Variants in TJP2 observed in about 807,000 individuals in gnomAD.
The protein encoded by TJP2 is tight junction protein 2.
TJP2 carries 91 observed loss-of-function variants against 133.1 expected under a neutral mutation model. The ratio of observed to expected loss-of-function variants is 0.68; its 90% confidence interval spans 0.58 to 0.81. TJP2 has a LOEUF of 0.81. Ranked by LOEUF, TJP2 falls within the 40% of genes least tolerant of loss-of-function variation. The probability of loss-of-function intolerance (pLI) is 0.00; values close to 1 mark genes in which losing one functional copy is unlikely to be tolerated. For missense variants in TJP2, 1,541 were observed against 1,565.6 expected, an observed-to-expected ratio of 0.98 and a Z score of 0.26; for synonymous variants, 592 against 583.4, an observed-to-expected ratio of 1.01 and a Z score of -0.21.
intron 1 of TJP2, chr9:69,145,883 C>A: frequency 9.4e-7 from 1 of 1,067,096 alleles, no homozygotes; most frequent in Non-Finnish European, 1.2e-6. Context: ...GTTTTGGGGA[C>A]CCATATAGAA....
Position 69,252,859 on chromosome 9 carries a change from C to T in TJP2, c.3366C>T (p.Ile1122=), listed in dbSNP as rs1036854780. Residue 1122 remains isoleucine (I), a synonymous_variant, in exon 22 of 23, where the codon ATC becomes ATT. Coordinates refer to ENST00000377245, the MANE Select transcript of TJP2 (RefSeq NM_004817.4). Reference sequence around the variant, plus strand: ...ATCCTGATATCTATGCAGTTCCAATCAAAACGCACAAGCCAGACCCTGGCA... The same window carrying T: ...ATCCTGATATCTATGCAGTTCCAATTAAAACGCACAAGCCAGACCCTGGCA... ...QKHPDIYAVP[I]KTHKPDPGTP... The T allele has an allele frequency of 8.7e-6, 14 of 1,614,064 alleles. No homozygotes were observed. The highest frequency in any genetic ancestry group is 1.7e-5 in the Admixed American group (1 of 60,006).
At chr9:69,230,507 C>G (rs927606637) in intron 11 of TJP2, among the ~76,000 whole-genome samples, 1 of 152,208 alleles carries the variant, frequency 6.6e-6, no homozygotes, top group Non-Finnish European at 1.5e-5. Flanking sequence ...TATTGAGACT[C>G]TAAGTAAGCA....
At chr9:69,202,438 A>G (rs1827061173) in intron 1 of TJP2, among the ~76,000 whole-genome samples, 1 of 152,184 alleles carries the variant, frequency 6.6e-6, no homozygotes, top group Non-Finnish European at 1.5e-5. Context: ...ATACCCTAGA[A>G]AAATGAGAGG....
intron 4 of TJP2, among the ~76,000 whole-genome samples, chr9:69,219,191 A>T (rs141534135): frequency 0.071 from 10,798 of 152,086 alleles, 542 homozygotes; most frequent in Non-Finnish European, 0.1. Flanking sequence ...CTGGTCCCGA[A>T]CTCCCAACTT....
Position 69,254,669 on chromosome 9 carries a change from G to GTAA in TJP2, c.*297_*298insATA. On this transcript the variant is annotated 3_prime_UTR_variant, in exon 23 of 23. Coordinates refer to ENST00000377245, the MANE Select transcript of TJP2 (RefSeq NM_004817.4). Reference sequence around the variant, plus strand: ...GGACCGAAATCTGTATTCTGTTTGCGTACTTGTAATATGTATATTAAGAAG... The same window carrying GTAA: ...GGACCGAAATCTGTATTCTGTTTGCGTAATACTTGTAATATGTATATTAAGAAG... 1 of 592,394 alleles carries GTAA rather than the reference G, an allele frequency of 1.7e-6. No individual in the cohort carries two copies. The highest frequency in any genetic ancestry group is 3.0e-6 in the Non-Finnish European group (1 of 331,982). The allele number at this position is 592,394 out of a possible 1,614,324, so 36.7% of individuals were successfully genotyped here. A position where few individuals can be genotyped will look rare whatever the true frequency, so the allele number is the denominator to read the frequency against.
chr9:69,217,011 CAG>C (rs1828440834), intron 3 of TJP2, among the ~76,000 whole-genome samples: 2 of 135,540 alleles, frequency 1.5e-5, no homozygotes, highest in South Asian at 4.6e-4. Context: ...TTTTTTCAGA[CAG>C]AGTCTTGCTC....
intron 1 of TJP2, among the ~76,000 whole-genome samples, chr9:69,147,262 C>T (rs1426245391): frequency 6.6e-6 from 1 of 152,208 alleles, no homozygotes; most frequent in Non-Finnish European, 1.5e-5. Context: ...GGATGGCAAA[C>T]AGGTTTCATG....
At chr9:69,213,823 G>A (rs1482903743) in intron 2 of TJP2, among the ~76,000 whole-genome samples, 1 of 152,168 alleles carries the variant, frequency 6.6e-6, no homozygotes, top group Admixed American at 6.5e-5. Flanking sequence ...TGGCATAGAG[G>A]ATGGAGCTGC....
chr9:69,217,078 T>A (rs1293134772), intron 3 of TJP2, among the ~76,000 whole-genome samples: 1 of 151,708 alleles, frequency 6.6e-6, no homozygotes, highest in Non-Finnish European at 1.5e-5. Context: ...AACCATCACC[T>A]TCCGAGTTCA....
chr9:69,121,920 A>C (rs1211772321), intron 1 of TJP2: 1 of 152,568 alleles, frequency 6.6e-6, no homozygotes, highest in Admixed American at 6.5e-5. Flanking sequence ...AGGCGGGGTG[A>C]GGGGCAGCGC....
At chr9:69,177,460 C>G (rs570878106) in intron 1 of TJP2, among the ~76,000 whole-genome samples, 118 of 152,206 alleles carry the variant, frequency 7.8e-4, no homozygotes, top group African/African-American at 2.7e-3. Context: ...GTTTCTCCCT[C>G]ATAGGAATTT....
chr9:69,135,693 C>T (rs1822702602), intron 1 of TJP2, among the ~76,000 whole-genome samples: 1 of 152,048 alleles, frequency 6.6e-6, no homozygotes. Context: ...GCAACCTCCA[C>T]CTCCCGGGTT....
chr9:69,170,715 T>A (rs1587958262), upstream of TJP2, among the ~76,000 whole-genome samples: 1 of 152,228 alleles, frequency 6.6e-6, no homozygotes, highest in East Asian at 1.9e-4. Context: ...TGAAGTTTGT[T>A]CTTTCCTTGG....
intron 2 of TJP2, among the ~76,000 whole-genome samples, chr9:69,165,504 C>T (rs1269947160): frequency 2.0e-5 from 3 of 152,028 alleles, no homozygotes; most frequent in Admixed American, 6.6e-5. Flanking sequence ...AGTTTCTTCA[C>T]GTATAAAGCA....
At chr9:69,121,507 A>T (rs1332644010) in exon 1 of TJP2, 1 of 281,526 alleles carries the variant, frequency 3.6e-6, no homozygotes, top group Non-Finnish European at 5.4e-6. Context: ...TCACAATAAT[A>T]TACGGGAGCA....
At chr9:69,150,781 C>A (rs1266811221) in intron 1 of TJP2, among the ~76,000 whole-genome samples, 1 of 152,126 alleles carries the variant, frequency 6.6e-6, no homozygotes, top group African/African-American at 2.4e-5. Context: ...TCCATTATTT[C>A]TGAGAGAAAT....
At chr9:69,186,309 C>T (rs1468749472) in intron 1 of TJP2, among the ~76,000 whole-genome samples, 2 of 152,188 alleles carry the variant, frequency 1.3e-5, no homozygotes, top group Non-Finnish European at 2.9e-5. Flanking sequence ...ACGTTTTAGG[C>T]ATACTTCTGT....
Position 69,168,752 on chromosome 9 carries a change from G to A in TJP2, c.-10+16981G>A, listed in dbSNP as rs534375826. On this transcript the variant is annotated intron_variant, in intron 2 of 5. Coordinates refer to the TJP2 transcript ENST00000423935. ...AGAGGTTGCAGTGAGCTAAGACGGC[G>A]CCATTGCACATTGCAATCCAGCCTG... Among the ~76,000 whole-genome samples, 10 of 150,606 alleles carry A rather than the reference G, an allele frequency of 6.6e-5. No homozygotes were observed. In the South Asian group the frequency reaches 1.7e-3, roughly 25 times the overall value.
chr9:69,211,518 T>A (rs1432642554), intron 1 of TJP2, among the ~76,000 whole-genome samples: 2 of 152,212 alleles, frequency 1.3e-5, no homozygotes, highest in African/African-American at 2.4e-5. Flanking sequence ...ATACATACTA[T>A]CTGGGGAATC....
Sources: gnomAD v4.1 joint callset for allele counts (sites outside exome capture counted in the v4.1 genomes callset) on GRCh38, gnomAD v4.1.1 for gene constraint, MANE v1.5 for transcripts, NCBI Gene and HGNC (gene_info 2026-07-23, HGNC 2026-07-21) for gene names.